The following FLNC variants were observed in gnomAD, a reference collection of about 807,000 sequenced individuals.
FLNC encodes the protein filamin C.
Under a neutral mutation model 254.3 loss-of-function variants are expected in FLNC, and 91 were observed. The observed-to-expected ratio is 0.36, with a 90% CI of 0.30 to 0.43. The LOEUF (loss-of-function observed/expected upper bound fraction) is 0.43. Among genes scored for constraint, FLNC ranks in the 20% least tolerant of loss-of-function variants. The pLI is 1.00. For synonymous variants in FLNC, 1,430 were observed against 1,577.2 expected, an observed-to-expected ratio of 0.91 and a Z score of 2.21; for missense variants, 2,853 against 3,802.6, an observed-to-expected ratio of 0.75 and a Z score of 6.57.
rs1207717693 is a variant in FLNC at position 128,846,175 on chromosome 7, T to G, written c.3964+12T>G. The G allele has an allele frequency of 6.4e-7, 1 of 1,562,698 alleles. No homozygotes were observed. The highest frequency in any genetic ancestry group is 1.9e-5 in the Admixed American group (1 of 53,934). ...CGCCTACGAGGAGGGTGAGGGCCGG[T>G]GGGCCAGGCTAGTGGGCAGGGCTGG... On this transcript the variant is annotated intron_variant, in intron 22 of 47. Coordinates refer to ENST00000325888, the MANE Select transcript of FLNC (RefSeq NM_001458.5).
Position 128,856,080 on chromosome 7 carries a change from C to T in FLNC, c.7252-438C>T, listed in dbSNP as rs1160189789. 6.6e-6 allele frequency among the ~76,000 whole-genome samples: 1 copy of T among 152,222 alleles called. No individual in the cohort carries two copies. Among genetic ancestry groups the T allele is most frequent in the Non-Finnish European group, 1.5e-5 (1 of 68,034 alleles). ...CAGGCTCCAATCCCTCCCCCAGAGCCCTTCTGTGCTTCTTCTGGTCCTCCC... is the reference window on the plus strand; with the variant it reads ...CAGGCTCCAATCCCTCCCCCAGAGCTCTTCTGTGCTTCTTCTGGTCCTCCC... On this transcript the variant is annotated intron_variant, in intron 43 of 47. Transcript: ENST00000325888. This position sits in a 1 kb window ranked among gnomAD's most constrained non-coding sequence, Gnocchi z 5.9.
At position 128,837,710 on chromosome 7, in the gene FLNC, C is replaced by T. The variant is rs541392206; in HGVS notation, c.924C>T (p.Gly308=). Residue 308 remains glycine, a synonymous_variant, in exon 5 of 48, where the codon GGC becomes GGT. Coordinates refer to ENST00000325888, the MANE Select transcript of FLNC (RefSeq NM_001458.5). Reference sequence around the variant, plus strand: ...TGCAGACGGTGGACGCGGGCGTGGGCGAGGTGCTGGTCTACATCGAGGACC... The same window carrying T: ...TGCAGACGGTGGACGCGGGCGTGGGTGAGGTGCTGGTCTACATCGAGGACC... ...FTVQTVDAGV[G]EVLVYIEDPE... The T allele has an allele frequency of 1.5e-5, 24 of 1,606,026 alleles. No homozygotes were observed. In the East Asian group the frequency reaches 2.7e-4, roughly 18 times the overall value.
At position 128,853,860 on chromosome 7, in the gene FLNC, G is replaced by A. The variant is rs757064292; in HGVS notation, c.6484+23G>A. ...CAGGTAGAAGCCTGGAGGACCCTGG[G>A]TGGGGCGGGTGGTGGGAGAGGGCTG... On this transcript the variant is annotated intron_variant, in intron 39 of 47. Coordinates refer to ENST00000325888, the MANE Select transcript of FLNC (RefSeq NM_001458.5). The A allele has an allele frequency of 2.5e-6, 4 of 1,613,300 alleles. No individual in the cohort carries two copies. The East Asian group carries it at 6.7e-5, about 27-fold the overall frequency.
At position 128,854,172 on chromosome 7, in the gene FLNC, G is replaced by A. The variant is rs765438770; in HGVS notation, c.6683G>A (p.Arg2228Gln). 9 of 1,610,018 alleles carry A rather than the reference G, an allele frequency of 5.6e-6. No homozygotes were observed. The East Asian group carries it at 8.9e-5, about 16-fold the overall frequency. The change falls in exon 40 of 48, where the codon CGG (arginine) becomes CAG (glutamine). Residue 2228 changes from arginine (R) to glutamine (Q), a missense_variant. Transcript: ENST00000325888. Reference protein sequence around the residue: ...FPAVFGDFLGRERLGSFGSIT... With the variant: ...FPAVFGDFLGQERLGSFGSIT... ...GCTGTGTTTGGGGACTTCCTGGGCC[G>A]GGAGCGCCTGGGATCCTTCGGCAGC...
rs1486721130 is a variant in FLNC, at chr7:128,830,623, C to A, written c.-15C>A. On this transcript the variant is annotated 5_prime_UTR_variant, in exon 1 of 48. Coordinates refer to ENST00000325888, the MANE Select transcript of FLNC (RefSeq NM_001458.5). Reference sequence around the variant, plus strand: ...CGCGGCCCTAGCCCCGGCCGCACCCCCAGCCCGCGCCAGCATGATGAACAA... The same window carrying A: ...CGCGGCCCTAGCCCCGGCCGCACCCACAGCCCGCGCCAGCATGATGAACAA... The A allele has an allele frequency of 1.9e-6, 3 of 1,611,048 alleles. No homozygotes were observed. Among genetic ancestry groups the A allele is most frequent in the Non-Finnish European group, 2.5e-6 (3 of 1,179,062 alleles).
At chr7:128,831,646 T>A (rs528667717) in intron 1 of FLNC, among the ~76,000 whole-genome samples, 1 of 152,186 alleles carries the variant, frequency 6.6e-6, no homozygotes, top group Non-Finnish European at 1.5e-5. Context: ...TGCTTCAGCC[T>A]GCGGTGGAGG....
chr7:128,858,118 T>C lies in FLNC; in HGVS notation c.7891T>C (p.Phe2631Leu). 1 of 1,613,448 alleles carries C rather than the reference T, an allele frequency of 6.2e-7. No homozygotes were observed. Among genetic ancestry groups the C allele is most frequent in the East Asian group, 2.2e-5 (1 of 44,884 alleles). Residue 2631 changes from phenylalanine to leucine, a missense_variant, in exon 47 of 48, where the codon TTC becomes CTC. Physicochemically the swap from Phe to Leu is conservative, Grantham distance 22 (BLOSUM62 0). This residue lies in a region of FLNC where 197 missense variants were observed against 351.5 expected (regional missense o/e 0.56). Coordinates refer to ENST00000325888, the MANE Select transcript of FLNC (RefSeq NM_001458.5). The surrounding 1 kb of genome is among the most constrained non-coding windows in gnomAD (Gnocchi z 6.7). Reference sequence around the variant, plus strand: ...CTCCAGCTACAGCTCCATCCCCAAGTTCTCCTCAGATGCCAGCAAGGTGGT... The same window carrying C: ...CTCCAGCTACAGCTCCATCCCCAAGCTCTCCTCAGATGCCAGCAAGGTGGT... The part of the protein sequence containing the change: ...RGSSYSSIPK[F>L]SSDASKVVTR...
rs3823538 is a variant in FLNC at position 128,852,343 on chromosome 7, C to T, written c.5843-248C>T. ...CTCAGGGTTAAAATGCAGGAGGTTT[C>T]CTTTAGGGATTTAGCCCACAAGGAC... On this transcript the variant is annotated intron_variant, in intron 35 of 47. Transcript: ENST00000325888. Among the ~76,000 whole-genome samples, 21,221 of 152,196 alleles carry T rather than the reference C, an allele frequency of 0.14. 2,846 individuals carry two copies. Among genetic ancestry groups the T allele is most frequent in the East Asian group, 0.33 (1,726 of 5,166 alleles).
rs74448849 is a variant in FLNC at position 128,835,952 on chromosome 7, C to T, written c.601+378C>T. On this transcript the variant is annotated intron_variant, in intron 2 of 47. Coordinates refer to ENST00000325888, the MANE Select transcript of FLNC (RefSeq NM_001458.5). The surrounding 1 kb of genome is among the most constrained non-coding windows in gnomAD (Gnocchi z 5.3). ...ACTGTGCCACGAGGCACTATTCCTG[C>T]CGAGCTGAGAGAGAGGCAGTGTGGT... Among the ~76,000 whole-genome samples, 1 of 152,192 alleles carries T rather than the reference C, an allele frequency of 6.6e-6. No individual in the cohort carries two copies. Among genetic ancestry groups the T allele is most frequent in the Non-Finnish European group, 1.5e-5 (1 of 68,034 alleles).
rs377206490 is a variant in FLNC, at chr7:128,851,551, C to T, written c.5765C>T (p.Ala1922Val). 1.4e-5 allele frequency: 22 copies of T among 1,613,876 alleles called. No individual in the cohort carries two copies. Among genetic ancestry groups the T allele is most frequent in the South Asian group, 1.2e-4 (11 of 91,088 alleles). ...GTCTVSYLPT[A>V]PGDYSIIVRF... ...TGCACCGTGTCCTATCTGCCGACTGCGCCTGGAGACTACAGCATCATCGTG... is the reference window on the plus strand; with the variant it reads ...TGCACCGTGTCCTATCTGCCGACTGTGCCTGGAGACTACAGCATCATCGTG... Residue 1922 changes from alanine (A) to valine (V), a missense_variant, in exon 35 of 48, where the codon GCG becomes GTG. Ala to Val is a moderately conservative substitution (Grantham distance 64, BLOSUM62 0). Around this residue, in one of 10 missense-constraint regions of FLNC, gnomAD observed 551 missense variants for 835.0 expected, o/e 0.66. Coordinates refer to ENST00000325888, the MANE Select transcript of FLNC (RefSeq NM_001458.5).
chr7:128,847,927 C>T lies in FLNC; in HGVS notation c.4457-18C>T. The T allele has an allele frequency of 6.2e-7, 1 of 1,613,750 alleles. No individual in the cohort carries two copies. The highest frequency in any genetic ancestry group is 8.5e-7 in the Non-Finnish European group (1 of 1,179,834). ...CGGGACGCCCGGAGGCTCTGCTGAC[C>T]CTGTGCCCCTTGCCCAGGTGTGGCC... is the stretch of plus-strand genomic sequence containing the variant. On this transcript the variant is annotated intron_variant, in intron 25 of 47. Coordinates refer to ENST00000325888, the MANE Select transcript of FLNC (RefSeq NM_001458.5).
rs760784659 is a variant in FLNC at position 128,848,781 on chromosome 7, C to T, written c.4738-12C>T. ...AGGCACAGGCGGGCCTTGACCTCTG[C>T]TTCTCCCTCAGGACCCCGAGGGTAA... is the stretch of plus-strand genomic sequence containing the variant. On this transcript the variant is annotated splice_polypyrimidine_tract_variant and intron_variant, in intron 27 of 47. Transcript: ENST00000325888. 1.9e-6 allele frequency: 3 copies of T among 1,614,066 alleles called. No individual in the cohort carries two copies. The highest frequency in any genetic ancestry group is 1.7e-5 in the Admixed American group (1 of 60,008).
At position 128,835,749 on chromosome 7, in the gene FLNC, C is replaced by T. The variant is rs1808072378; in HGVS notation, c.601+175C>T. On this transcript the variant is annotated intron_variant, in intron 2 of 47. Transcript: ENST00000325888. The surrounding 1 kb of genome is among the most constrained non-coding windows in gnomAD (Gnocchi z 5.3). ...GGCTCTCCGCTGGCTGGTGGCAGGC[C>T]CTACCTGATGAGTGTGCCAGATTCC... is the stretch of plus-strand genomic sequence containing the variant. Among the ~76,000 whole-genome samples, 2 of 152,024 alleles carry T rather than the reference C, an allele frequency of 1.3e-5. No individual in the cohort carries two copies. Among genetic ancestry groups the T allele is most frequent in the African/African-American group, 2.4e-5 (1 of 41,374 alleles).
intron 26 of FLNC, 147 bp from the exon 27 acceptor site, chr7:128,848,414 G>A (rs939399257): frequency 2.6e-5 from 23 of 889,658 alleles, no homozygotes; most frequent in African/African-American, 2.0e-4. Context: ...GAATGTCATC[G>A]GCTTCTGGGA....
chr7:128,852,462 C>T (rs879850809), intron 35 of FLNC, 129 bp from the exon 36 acceptor site: 75 of 1,061,750 alleles, frequency 7.1e-5, no homozygotes, highest in Admixed American at 2.1e-4. Flanking sequence ...CCTTGGGCCT[C>T]CGTGCACCTG....
intron 43 of FLNC, among the ~76,000 whole-genome samples, chr7:128,855,668 C>A (rs1246784734): frequency 6.6e-6 from 1 of 152,174 alleles, no homozygotes; most frequent in Non-Finnish European, 1.5e-5. Context: ...TAAGAGTAAA[C>A]CAGTTTGCAC....
chr7:128,853,664 C>T (rs1808921264), intron 38 of FLNC, 43 bp downstream of exon 38: 6 of 1,613,998 alleles, frequency 3.7e-6, no homozygotes, highest in East Asian at 4.5e-5. Context: ...ACAGGGAGGC[C>T]AGGAGGCTGG....
rs2291558 is a variant in FLNC at position 128,837,200 on chromosome 7, C to G, written c.642C>G (p.Pro214=). ...PDWEAWDPNQ[P]VENAREAMQQ... ...GGGAGGCCTGGGACCCCAACCAGCC[C>G]GTGGAGAACGCCCGGGAGGCCATGC... is the stretch of plus-strand genomic sequence containing the variant. Residue 214 remains proline (P), a synonymous_variant, in exon 3 of 48, where the codon CCC becomes CCG. Coordinates refer to ENST00000325888, the MANE Select transcript of FLNC (RefSeq NM_001458.5). The G allele has an allele frequency of 1.9e-6, 3 of 1,603,214 alleles. No individual in the cohort carries two copies. Among genetic ancestry groups the G allele is most frequent in the East Asian group, 2.3e-5 (1 of 44,376 alleles).
In FLNC at chr7:128,851,348, G is replaced by C. The variant is rs748033843; in HGVS notation, c.5656G>C (p.Asp1886His). 10 of 1,614,160 alleles carry C rather than the reference G, an allele frequency of 6.2e-6. No homozygotes were observed. In the South Asian group the frequency reaches 1.1e-4, roughly 18 times the overall value. The change falls in exon 34 of 48, where the codon GAT becomes CAT. Residue 1886 changes from aspartate (D) to histidine (H), a missense_variant. Asp to His is a moderately conservative substitution (Grantham distance 81). Around this residue, in one of 10 missense-constraint regions of FLNC, gnomAD observed 551 missense variants for 835.0 expected, o/e 0.66. Transcript: ENST00000325888. ...KPATFTIVTKDAGEGGLSLAV... is the reference protein window; with the variant it reads ...KPATFTIVTKHAGEGGLSLAV... Reference sequence around the variant, plus strand: ...AGCCACCTTCACTATTGTCACCAAAGATGCTGGAGAAGGTGAGGGAGCTGC... The same window carrying C: ...AGCCACCTTCACTATTGTCACCAAACATGCTGGAGAAGGTGAGGGAGCTGC...
Sources: allele counts gnomAD v4.1 joint callset (sites outside exome capture counted in the v4.1 genomes callset), GRCh38; gene constraint gnomAD v4.1.1; regional missense constraint gnomAD v4.1.1; non-coding constraint Gnocchi (gnomAD v3.1); transcripts MANE v1.5; gene names NCBI Gene and HGNC (gene_info 2026-07-23, HGNC 2026-07-21).